The following CD59 variants were observed in gnomAD, a reference collection of about 807,000 sequenced individuals.
CD59 encodes the protein CD59 molecule (CD59 blood group), also known as CD59 glycoprotein.
A neutral mutation model predicts 7.0 loss-of-function variants in CD59; 3 were observed. The observed-to-expected ratio is 0.43, with a 90% CI of 0.19 to 1.10. The LOEUF (loss-of-function observed/expected upper bound fraction) is 1.10, where lower values mean the gene tolerates loss of function less well. Among genes scored for constraint, CD59 ranks in the 50% least tolerant of loss-of-function variants. CD59 has a pLI of 0.29. For missense variants in CD59, 143 were observed against 151.0 expected (o/e 0.95, Z 0.28); for synonymous variants, 60 against 62.0 (o/e 0.97, Z 0.15).
chr11:33,723,064 G>A (rs188517770), intron 1 of CD59: 42 of 677,320 alleles, frequency 6.2e-5, no homozygotes, highest in Non-Finnish European at 6.8e-5. Context: ...GTGAGAAGAA[G>A]GAAAGCCTGA....
intron 1 of CD59, among the ~76,000 whole-genome samples, chr11:33,731,211 G>T (rs1458048505): frequency 3.3e-5 from 5 of 151,696 alleles, no homozygotes; most frequent in Admixed American, 6.6e-5. Flanking sequence ...CCCTAACCCT[G>T]CATTGTTTTA....
intron 1 of CD59, among the ~76,000 whole-genome samples, chr11:33,728,993 G>C (rs1038838477): frequency 1.4e-4 from 21 of 151,666 alleles, no homozygotes; most frequent in Non-Finnish European, 2.7e-4. Context: ...TTAGAATGGC[G>C]ATCATTAAAA....
At chr11:33,717,651 G>A in intron 2 of CD59, 180 bp from the exon 3 acceptor site, 1 of 617,088 alleles carries the variant, frequency 1.6e-6, no homozygotes, top group Non-Finnish European at 3.0e-6. Flanking sequence ...ACATTTTTTG[G>A]ACCCTGATGC....
chr11:33,729,229 C>A (rs911594930), intron 1 of CD59, among the ~76,000 whole-genome samples: 1 of 152,168 alleles, frequency 6.6e-6, no homozygotes, highest in Admixed American at 6.5e-5. Flanking sequence ...CAGCACTGTT[C>A]ACAATAGCAA....
intron 3 of CD59, among the ~76,000 whole-genome samples, chr11:33,715,098 G>T (rs1201997792): frequency 1.3e-5 from 2 of 151,704 alleles, no homozygotes; most frequent in African/African-American, 4.8e-5. Context: ...AATTTTTTTA[G>T]TAAGTAGAAG....
intron 2 of CD59, among the ~76,000 whole-genome samples, chr11:33,720,883 G>A (rs1275562362): frequency 6.6e-6 from 1 of 152,240 alleles, no homozygotes; most frequent in Non-Finnish European, 1.5e-5. Flanking sequence ...ACCCTTTTGG[G>A]CAGCAGCAAA....
chr11:33,723,376 T>A (rs192875637), intron 1 of CD59, among the ~76,000 whole-genome samples: 1 of 152,200 alleles, frequency 6.6e-6, no homozygotes, highest in African/African-American at 2.4e-5. Context: ...CAATCATTCC[T>A]GTCCCTTCCT....
chr11:33,722,522 A>C (rs1854117678), intron 1 of CD59, 59 bp from the exon 2 acceptor site: 17 of 1,599,898 alleles, frequency 1.1e-5, no homozygotes, highest in Non-Finnish European at 1.5e-5. Context: ...TGGTTGTCTC[A>C]AAAACCAAGG....
At chr11:33,722,135 G>A (rs1452943293) in intron 2 of CD59, among the ~76,000 whole-genome samples, 1 of 152,146 alleles carries the variant, frequency 6.6e-6, no homozygotes, top group Non-Finnish European at 1.5e-5. Flanking sequence ...GCCGCCGATT[G>A]TTGACCCACC....
intron 1 of CD59, chr11:33,722,864 GA>G: frequency 1.1e-6 from 1 of 951,240 alleles, no homozygotes; most frequent in African/African-American, 1.7e-5. Flanking sequence ...GGTGACTCTG[GA>G]AGGCACCAGC....
rs1854107655 is a variant in CD59, at chr11:33,722,362, G to C, written c.67+17C>G. ...CCAAGGCAGCCTAGATCCATGTCCT[G>C]AGACTGGAGCACTCACCTGAATGGC... On this transcript the variant is annotated intron_variant, in intron 2 of 3. Transcript: ENST00000642928. 1 of 1,585,384 alleles carries C rather than the reference G, an allele frequency of 6.3e-7. No homozygotes were observed. The highest frequency in any genetic ancestry group is 1.1e-5 in the South Asian group (1 of 90,548).
At chr11:33,723,979 C>T (rs531921445) in intron 1 of CD59, among the ~76,000 whole-genome samples, 1 of 152,186 alleles carries the variant, frequency 6.6e-6, no homozygotes, top group African/African-American at 2.4e-5. Flanking sequence ...TGTGGTGGCA[C>T]ATAACTGTAG....
rs1032786948 is a variant in CD59 at position 33,722,380 on chromosome 11, T to C, written c.66A>G (p.Ser22=). The part of the protein sequence containing the change: ...LLLVLAVFCH[S]GHSLQCYNCP... ...ATGTCCTGAGACTGGAGCACTCACCTGAATGGCAGAAGACAGCCAGGACGA... is the reference window on the plus strand; with the variant it reads ...ATGTCCTGAGACTGGAGCACTCACCCGAATGGCAGAAGACAGCCAGGACGA... Residue 22 remains serine, a splice_region_variant and synonymous_variant, in exon 2 of 4, where the codon TCA becomes TCG. Transcript: ENST00000642928. 11 of 1,609,820 alleles carry C rather than the reference T, an allele frequency of 6.8e-6. No homozygotes were observed. Among genetic ancestry groups the C allele is most frequent in the Non-Finnish European group, 9.4e-6 (11 of 1,176,116 alleles).
intron 2 of CD59, among the ~76,000 whole-genome samples, chr11:33,720,466 A>T (rs1854004835): frequency 6.6e-6 from 1 of 152,228 alleles, no homozygotes; most frequent in Non-Finnish European, 1.5e-5. Flanking sequence ...TGGCAGGCTG[A>T]GGTAGGTGGA....
In CD59 at chr11:33,722,403, C is replaced by G; in HGVS notation, c.43G>C (p.Val15Leu). The G allele has an allele frequency of 6.2e-7, 1 of 1,613,904 alleles. No homozygotes were observed. Among genetic ancestry groups the G allele is most frequent in the Non-Finnish European group, 8.5e-7 (1 of 1,179,806 alleles). ...GGSVLFGLLL[V>L]LAVFCHSGHS... Reference sequence around the variant, plus strand: ...CCTGAATGGCAGAAGACAGCCAGGACGAGCAGCAGCCCGAACAGGACAGAC... The same window carrying G: ...CCTGAATGGCAGAAGACAGCCAGGAGGAGCAGCAGCCCGAACAGGACAGAC... The change falls in exon 2 of 4, where the codon GTC (valine) becomes CTC (leucine). Residue 15 changes from valine to leucine, a missense_variant. Coordinates refer to ENST00000642928, the MANE Select transcript of CD59 (RefSeq NM_000611.6).
intron 2 of CD59, among the ~76,000 whole-genome samples, chr11:33,720,124 T>C (rs1215878142): frequency 6.6e-6 from 1 of 152,224 alleles, no homozygotes; most frequent in East Asian, 1.9e-4. Flanking sequence ...GGCAAACATG[T>C]TCATTCAGTG....
chr11:33,728,132 G>A (rs1272637591), intron 1 of CD59, among the ~76,000 whole-genome samples: 1 of 152,132 alleles, frequency 6.6e-6, no homozygotes, highest in Non-Finnish European at 1.5e-5. Flanking sequence ...TTCCCATCAA[G>A]CTACCACTGA....
rs1853460011 is a variant in CD59, at chr11:33,709,803, A to G, written c.*323T>C. ...ACTACATCCAAGGAGCCAGAGGAAA[A>G]ATAATCTGAGGGCTGCAGAGAACCC... is the stretch of plus-strand genomic sequence containing the variant. On this transcript the variant is annotated 3_prime_UTR_variant, in exon 4 of 4. Transcript: ENST00000642928. The G allele has an allele frequency of 6.5e-6, 3 of 463,638 alleles. No individual in the cohort carries two copies. In the South Asian group the frequency reaches 6.5e-5, roughly 10 times the overall value. 28.7% of individuals were successfully genotyped at this position (463,638 alleles called of 1,614,324 possible). A position where few individuals can be genotyped will look rare whatever the true frequency, so the allele number is the denominator to read the frequency against.
chr11:33,715,492 C>T lies in CD59; in HGVS notation c.169+1878G>A, dbSNP rs144713065. 3.9e-4 allele frequency among the ~76,000 whole-genome samples: 60 copies of T among 152,164 alleles called. 1 individual carries two copies. The East Asian group carries it at 0.011, about 27-fold the overall frequency. On this transcript the variant is annotated intron_variant, in intron 3 of 3. Coordinates refer to ENST00000642928, the MANE Select transcript of CD59 (RefSeq NM_000611.6). ...GCTTATGCCTGTAATCCCAATTACT[C>T]AGGAGGCTGAGGCATGAGAATCACT...
Sources: gnomAD v4.1 joint callset for allele counts (sites outside exome capture counted in the v4.1 genomes callset) on GRCh38, gnomAD v4.1.1 for gene constraint, MANE v1.5 for transcripts, NCBI Gene and HGNC (gene_info 2026-07-23, HGNC 2026-07-21) for gene names.